GNA12: variants seen among roughly 807,000 people sequenced by gnomAD.
The protein encoded by GNA12 is guanine nucleotide-binding protein subunit alpha-12.
GNA12 carries 9 observed loss-of-function variants against 26.0 expected under a neutral mutation model. The observed-to-expected ratio is 0.35, with a 90% CI of 0.21 to 0.60. The LOEUF (loss-of-function observed/expected upper bound fraction) is 0.60, where lower values mean the gene tolerates loss of function less well. Ranked by LOEUF, GNA12 falls within the 20% of genes least tolerant of loss-of-function variation. The pLI is 0.78. For synonymous variants in GNA12, 264 were observed against 219.6 expected (o/e 1.20, Z -1.79); for missense variants, 405 against 525.8 (o/e 0.77, Z 2.25).
At chr7:2,796,598 C>CT (rs1259314914) in intron 1 of GNA12, among the ~76,000 whole-genome samples, 1 of 152,292 alleles carries the variant, frequency 6.6e-6, no homozygotes, top group African/African-American at 2.4e-5. Flanking sequence ...GACTAAAATA[C>CT]GACAAGCCAA....
At chr7:2,780,998 C>T (rs1792214022) in intron 2 of GNA12, among the ~76,000 whole-genome samples, 1 of 152,206 alleles carries the variant, frequency 6.6e-6, no homozygotes, top group Admixed American at 6.5e-5. Context: ...CCTGTCATCC[C>T]ACATCCTTGC....
chr7:2,770,187 A>G (rs907568395), intron 2 of GNA12, among the ~76,000 whole-genome samples: 1 of 152,200 alleles, frequency 6.6e-6, no homozygotes, highest in African/African-American at 2.4e-5. Context: ...CACTGCCATA[A>G]TATACTATAA....
chr7:2,777,236 A>C (rs1471926815), intron 2 of GNA12, among the ~76,000 whole-genome samples: 1 of 152,224 alleles, frequency 6.6e-6, no homozygotes, highest in African/African-American at 2.4e-5. Context: ...GAAGAAAAGG[A>C]GGACTAGTAG....
chr7:2,769,929 G>A (rs920223838), intron 2 of GNA12, among the ~76,000 whole-genome samples: 1 of 152,074 alleles, frequency 6.6e-6, no homozygotes, highest in African/African-American at 2.4e-5. Flanking sequence ...TACATTTTAA[G>A]TCTAAGTGTT....
At chr7:2,820,952 G>T (rs945752395) in intron 1 of GNA12, among the ~76,000 whole-genome samples, 1 of 152,178 alleles carries the variant, frequency 6.6e-6, no homozygotes, top group African/African-American at 2.4e-5. Flanking sequence ...TGTTGCTCAG[G>T]CTGGTCTTGA....
chr7:2,772,107 T>A (rs1791963041), intron 2 of GNA12, among the ~76,000 whole-genome samples: 1 of 152,236 alleles, frequency 6.6e-6, no homozygotes, highest in African/African-American at 2.4e-5. Flanking sequence ...TTTAAAAAAA[T>A]TGTTTTCTTG....
At chr7:2,745,065 G>A (rs1790700000) in intron 2 of GNA12, among the ~76,000 whole-genome samples, 1 of 152,172 alleles carries the variant, frequency 6.6e-6, no homozygotes, top group Non-Finnish European at 1.5e-5. Flanking sequence ...AAAGTGACAG[G>A]GAGAATGGAA....
chr7:2,793,917 C>T (rs897075062), intron 2 of GNA12, among the ~76,000 whole-genome samples: 1 of 150,864 alleles, frequency 6.6e-6, no homozygotes, highest in Non-Finnish European at 1.5e-5. Context: ...AAAGACGTTT[C>T]CAATAGCAAA....
chr7:2,728,327 CTTCT>C lies in GNA12; in HGVS notation c.*2850_*2853del. ...CCCTAAATTAGTTACAACTAATAAT[CTTCT>C]TTCAAGAGTTTTTTTTTTCAATCTT... On this transcript the variant is annotated 3_prime_UTR_variant, in exon 4 of 4. Transcript: ENST00000275364. 1 of 152,314 alleles carries C rather than the reference CTTCT, an allele frequency of 6.6e-6. No homozygotes were observed. Among genetic ancestry groups the C allele is most frequent in the South Asian group, 2.1e-4 (1 of 4,814 alleles). The allele number at this position is 152,314 out of a possible 1,614,324, so 9.4% of individuals were successfully genotyped here.
intron 2 of GNA12, chr7:2,762,948 C>A: frequency 1.5e-6 from 2 of 1,375,686 alleles, no homozygotes; most frequent in Non-Finnish European, 1.9e-6. Flanking sequence ...TCCCGTGGGG[C>A]CCGTGCCAGG....
chr7:2,834,476 G>T (rs1470195821), intron 1 of GNA12, among the ~76,000 whole-genome samples: 1 of 152,206 alleles, frequency 6.6e-6, no homozygotes, highest in African/African-American at 2.4e-5. Flanking sequence ...GTGGAGAGTA[G>T]GGGCTCTGCA....
rs748113158 is a variant in GNA12 at position 2,780,048 on chromosome 7, G to GTGTATATA, written c.525+14879_525+14880insTATATACA. ...GTACTAGTTTTTTACACATTTCTGTGTACATATATATATATATATATATAT... is the reference window on the plus strand; with the variant it reads ...GTACTAGTTTTTTACACATTTCTGTGTGTATATATACATATATATATATATATATATAT... On this transcript the variant is annotated intron_variant, in intron 2 of 3. Coordinates refer to ENST00000275364, the MANE Select transcript of GNA12 (RefSeq NM_007353.3). Among the ~76,000 whole-genome samples, 253 of 84,636 alleles carry GTGTATATA rather than the reference G, an allele frequency of 3.0e-3. 13 individuals carry two copies. Among genetic ancestry groups the GTGTATATA allele is most frequent in the Admixed American group, 3.9e-3 (33 of 8,570 alleles). 55.5% of individuals were successfully genotyped at this position (84,636 alleles called of 152,430 possible). A position where few individuals can be genotyped will look rare whatever the true frequency, so the allele number is the denominator to read the frequency against.
At chr7:2,830,619 G>A (rs531593666) in intron 1 of GNA12, among the ~76,000 whole-genome samples, 1 of 152,338 alleles carries the variant, frequency 6.6e-6, no homozygotes, top group African/African-American at 2.4e-5. Flanking sequence ...GGGGGATAAG[G>A]GATGGCAGGA....
chr7:2,818,112 C>T (rs1793256532), intron 1 of GNA12, among the ~76,000 whole-genome samples: 1 of 152,188 alleles, frequency 6.6e-6, no homozygotes, highest in African/African-American at 2.4e-5. Context: ...AGCTAACAGG[C>T]ATGTCAGGGT....
chr7:2,837,842 A>C (rs1778884339), intron 1 of GNA12, among the ~76,000 whole-genome samples: 1 of 149,950 alleles, frequency 6.7e-6, no homozygotes, highest in African/African-American at 2.5e-5. Flanking sequence ...ATAGGTAATA[A>C]AAAAAAAAGG....
intron 2 of GNA12, 90 bp downstream of exon 2, chr7:2,794,838 A>C: frequency 2.1e-6 from 2 of 939,352 alleles, no homozygotes; most frequent in South Asian, 2.9e-5. Context: ...GGACTGTTAC[A>C]CAGTTTTTAA....
intron 2 of GNA12, among the ~76,000 whole-genome samples, chr7:2,769,751 CA>C (rs1327863310): frequency 6.6e-6 from 1 of 151,310 alleles, no homozygotes; most frequent in Admixed American, 6.6e-5. Flanking sequence ...CAAAAACAAA[CA>C]AACAAAAAAA....
At chr7:2,767,713 T>A (rs757919778) in intron 2 of GNA12, among the ~76,000 whole-genome samples, 4 of 152,228 alleles carry the variant, frequency 2.6e-5, no homozygotes, top group Non-Finnish European at 5.9e-5. Flanking sequence ...TATTTTGGAA[T>A]TCAGAAACTT....
intron 1 of GNA12, among the ~76,000 whole-genome samples, chr7:2,833,190 G>A (rs1367632782): frequency 6.6e-6 from 1 of 152,240 alleles, no homozygotes; most frequent in African/African-American, 2.4e-5. Flanking sequence ...GTTACGGCAT[G>A]AAATGAGCCG....
Sources: gnomAD v4.1 joint callset for allele counts (sites outside exome capture counted in the v4.1 genomes callset) on GRCh38, gnomAD v4.1.1 for gene constraint, MANE v1.5 for transcripts, NCBI Gene and HGNC (gene_info 2026-07-23, HGNC 2026-07-21) for gene names.